Variants in LEF1 observed in about 807,000 individuals in gnomAD.
LEF1 encodes the protein lymphoid enhancer binding factor 1, also known as lymphoid enhancer-binding factor 1.
In LEF1, 14 loss-of-function variants were observed where a neutral mutation model predicts 51.2. The ratio of observed to expected loss-of-function variants is 0.27; its 90% CI spans 0.18 to 0.43. LEF1 has a LOEUF of 0.43. Among genes scored for constraint, LEF1 ranks in the 20% least tolerant of loss-of-function variants. The pLI, the probability that LEF1 is intolerant of heterozygous loss-of-function variation, is 1.00. For missense variants in LEF1, 386 were observed against 512.0 expected, an observed-to-expected ratio of 0.75 and a Z score of 2.37; for synonymous variants, 185 against 183.2, an observed-to-expected ratio of 1.01 and a Z score of -0.08.
chr4:108,107,032 T>G (rs1259983888), intron 3 of LEF1, among the ~76,000 whole-genome samples: 3 of 152,160 alleles, frequency 2.0e-5, no homozygotes, highest in Non-Finnish European at 4.4e-5. Flanking sequence ...TGTGCATGAT[T>G]GGAAAATACA....
At chr4:108,071,215 C>T (rs1464758216) in intron 8 of LEF1, among the ~76,000 whole-genome samples, 1 of 152,190 alleles carries the variant, frequency 6.6e-6, no homozygotes, top group Non-Finnish European at 1.5e-5. Flanking sequence ...CAGATATACC[C>T]TCTCCTCATA....
At chr4:108,150,150 A>G (rs950718724) in intron 3 of LEF1, among the ~76,000 whole-genome samples, 1 of 152,172 alleles carries the variant, frequency 6.6e-6, no homozygotes, top group African/African-American at 2.4e-5. Context: ...AAAAATCACC[A>G]CTAACTGCTC....
intron 11 of LEF1, among the ~76,000 whole-genome samples, 187 bp from the exon 12 acceptor site, chr4:108,048,938 T>A (rs1256464617): frequency 6.6e-6 from 1 of 152,156 alleles, no homozygotes; most frequent in African/African-American, 2.4e-5. Context: ...ACAGAGTTAA[T>A]ATAGTGACAT....
intron 3 of LEF1, among the ~76,000 whole-genome samples, chr4:108,133,898 A>G (rs888744517): frequency 3.3e-5 from 5 of 152,106 alleles, no homozygotes; most frequent in South Asian, 2.1e-4. Flanking sequence ...ATTTGCCAAG[A>G]CTTCTATCTA....
At chr4:108,147,992 C>G (rs918990144) in intron 3 of LEF1, among the ~76,000 whole-genome samples, 1 of 152,106 alleles carries the variant, frequency 6.6e-6, no homozygotes, top group Non-Finnish European at 1.5e-5. Flanking sequence ...AAATTGTAGT[C>G]AAATTTAACA....
At chr4:108,073,416 A>T (rs1205304628) in intron 8 of LEF1, among the ~76,000 whole-genome samples, 1 of 152,152 alleles carries the variant, frequency 6.6e-6, no homozygotes. Context: ...TATTTACACA[A>T]TTAGCTTTAG....
At chr4:108,088,141 G>A (rs556223147) in intron 4 of LEF1, among the ~76,000 whole-genome samples, 4 of 152,260 alleles carry the variant, frequency 2.6e-5, no homozygotes, top group East Asian at 1.9e-4. Context: ...AAATGAAAGC[G>A]TTAAGTATTT....
At chr4:108,110,517 C>A (rs201182301) in intron 3 of LEF1, among the ~76,000 whole-genome samples, 2 of 152,138 alleles carry the variant, frequency 1.3e-5, no homozygotes, top group Non-Finnish European at 2.9e-5. Flanking sequence ...TTTTTCCCCA[C>A]TAAAGAGACA....
chr4:108,084,606 T>C (rs948733052), intron 4 of LEF1, among the ~76,000 whole-genome samples: 5 of 152,234 alleles, frequency 3.3e-5, no homozygotes, highest in African/African-American at 9.6e-5. Flanking sequence ...GAACGAACTA[T>C]TTCTCAATTC....
At chr4:108,143,887 T>G (rs1743832420) in intron 3 of LEF1, among the ~76,000 whole-genome samples, 3 of 152,082 alleles carry the variant, frequency 2.0e-5, no homozygotes, top group Non-Finnish European at 4.4e-5. Context: ...TTGCCATCAT[T>G]GAGAATGGAG....
At chr4:108,152,277 G>A (rs1264531591) in intron 3 of LEF1, among the ~76,000 whole-genome samples, 1 of 152,200 alleles carries the variant, frequency 6.6e-6, no homozygotes, top group Non-Finnish European at 1.5e-5. Flanking sequence ...ACAGGGTTTT[G>A]GAAAAGGGTT....
At chr4:108,099,063 A>T (rs1319011687) in intron 3 of LEF1, among the ~76,000 whole-genome samples, 1 of 152,170 alleles carries the variant, frequency 6.6e-6, no homozygotes, top group Non-Finnish European at 1.5e-5. Flanking sequence ...TACATACTAG[A>T]ATTCAAATAC....
chr4:108,135,722 G>A (rs576433494), intron 3 of LEF1, among the ~76,000 whole-genome samples: 10 of 152,298 alleles, frequency 6.6e-5, no homozygotes, highest in African/African-American at 2.2e-4. Context: ...CTGCCAGCGG[G>A]GGAGTTGTTT....
chr4:108,079,507 C>G lies in LEF1; in HGVS notation c.830G>C (p.Ser277Thr). 6.2e-7 allele frequency: 1 copy of G among 1,614,104 alleles called. No individual in the cohort carries two copies. The highest frequency in any genetic ancestry group is 8.5e-7 in the Non-Finnish European group (1 of 1,180,010). The change falls in exon 7 of 12, where the codon AGT (serine) becomes ACT (threonine). Residue 277 changes from serine (S) to threonine (T), a missense_variant. By Grantham distance (58) the Ser-to-Thr change is moderately conservative. Around this residue, in one of 2 missense-constraint regions of LEF1, gnomAD observed 335 missense variants for 390.7 expected, o/e 0.86. Transcript: ENST00000265165. Reference sequence around the variant, plus strand: ...GGATACTTACACGTGCATTAGGTCACTGTCAGTGTGGGGATGTTCCTGTTT... The same window carrying G: ...GGATACTTACACGTGCATTAGGTCAGTGTCAGTGTGGGGATGTTCCTGTTT... Reference protein sequence around the residue: ...QVKQEHPHTDSDLMHVKPQHE... With the variant: ...QVKQEHPHTDTDLMHVKPQHE...
intron 3 of LEF1, among the ~76,000 whole-genome samples, chr4:108,109,244 G>C (rs1279397150): frequency 1.3e-5 from 2 of 152,214 alleles, no homozygotes; most frequent in African/African-American, 4.8e-5. Flanking sequence ...TTTTTAGCCT[G>C]AGCACTTCCT....
chr4:108,105,713 G>C (rs1013022870), intron 3 of LEF1, among the ~76,000 whole-genome samples: 3 of 152,026 alleles, frequency 2.0e-5, no homozygotes, highest in Non-Finnish European at 2.9e-5. Context: ...TCTTATGATA[G>C]AGCAATGGAT....
chr4:108,103,263 A>G (rs574765823), intron 3 of LEF1, among the ~76,000 whole-genome samples: 58 of 152,354 alleles, frequency 3.8e-4, no homozygotes, highest in African/African-American at 1.3e-3. Context: ...ATGTAATATC[A>G]TGTGAATGTG....
intron 3 of LEF1, among the ~76,000 whole-genome samples, chr4:108,108,091 T>C (rs559926055): frequency 6.6e-6 from 1 of 152,290 alleles, no homozygotes; most frequent in East Asian, 1.9e-4. Context: ...AAGAGAGAGA[T>C]GCAAGTTTCG....
At chr4:108,090,746 T>C (rs1015212111) in intron 3 of LEF1, among the ~76,000 whole-genome samples, 7 of 152,178 alleles carry the variant, frequency 4.6e-5, no homozygotes, top group Non-Finnish European at 2.9e-5. Context: ...TTAAATAATC[T>C]ATTGTTAGCT....
Sources: gnomAD v4.1 joint callset for allele counts (sites outside exome capture counted in the v4.1 genomes callset) on GRCh38, gnomAD v4.1.1 for gene constraint, gnomAD v4.1.1 regional missense constraint, MANE v1.5 for transcripts, NCBI Gene and HGNC (gene_info 2026-07-23, HGNC 2026-07-21) for gene names.